The following OXCT1 variants were observed in gnomAD, a reference collection of about 807,000 sequenced individuals.
OXCT1 encodes the protein succinyl-CoA:3-ketoacid coenzyme A transferase 1, mitochondrial.
Under a neutral mutation model 69.6 loss-of-function variants are expected in OXCT1, and 27 were observed. The ratio of observed to expected loss-of-function variants is 0.39; its 90% CI spans 0.29 to 0.54. OXCT1 has a LOEUF of 0.54. Among genes scored for constraint, OXCT1 ranks in the 20% least tolerant of loss-of-function variants. The pLI, the probability that OXCT1 is intolerant of heterozygous loss-of-function variation, is 0.72. For missense variants in OXCT1, 437 were observed against 650.2 expected, an observed-to-expected ratio of 0.67 and a Z score of 3.57; for synonymous variants, 202 against 217.8, an observed-to-expected ratio of 0.93 and a Z score of 0.64.
intron 13 of OXCT1, among the ~76,000 whole-genome samples, chr5:41,784,125 T>C (rs1352597142): frequency 6.6e-6 from 1 of 152,242 alleles, no homozygotes; most frequent in East Asian, 1.9e-4. Flanking sequence ...TTCTGATATT[T>C]CTCCAATTGT....
intron 7 of OXCT1, among the ~76,000 whole-genome samples, chr5:41,837,985 A>T (rs960290553): frequency 1.3e-5 from 2 of 152,226 alleles, no homozygotes; most frequent in African/African-American, 2.4e-5. Flanking sequence ...AAATGCCTGA[A>T]TAGTAGCTAA....
chr5:41,733,961 T>C (rs1471616936), intron 16 of OXCT1, among the ~76,000 whole-genome samples: 1 of 152,214 alleles, frequency 6.6e-6, no homozygotes, highest in Non-Finnish European at 1.5e-5. Flanking sequence ...CCCAAAAGTA[T>C]ATTGCTTGAC....
At chr5:41,781,293 C>T (rs534055747) in intron 13 of OXCT1, among the ~76,000 whole-genome samples, 2 of 152,110 alleles carry the variant, frequency 1.3e-5, no homozygotes, top group Non-Finnish European at 2.9e-5. Context: ...TACCACTCTA[C>T]CCTTCATTGT....
At chr5:41,736,270 T>C (rs1001322738) in intron 16 of OXCT1, among the ~76,000 whole-genome samples, 1 of 152,158 alleles carries the variant, frequency 6.6e-6, no homozygotes, top group African/African-American at 2.4e-5. Context: ...TAATCAATAT[T>C]TGCATTTCTA....
chr5:41,860,950 A>T (rs1749702918), intron 3 of OXCT1, among the ~76,000 whole-genome samples: 1 of 152,142 alleles, frequency 6.6e-6, no homozygotes, highest in Admixed American at 6.5e-5. Context: ...TTTATAAATG[A>T]TCTAATAAAT....
At chr5:41,855,143 T>C (rs889684593) in intron 3 of OXCT1, among the ~76,000 whole-genome samples, 3 of 152,200 alleles carry the variant, frequency 2.0e-5, no homozygotes, top group Non-Finnish European at 2.9e-5. Flanking sequence ...CAGAATAATG[T>C]TGAGCTAAAG....
At chr5:41,842,070 C>T (rs1402902865) in intron 6 of OXCT1, among the ~76,000 whole-genome samples, 1 of 152,108 alleles carries the variant, frequency 6.6e-6, no homozygotes, top group African/African-American at 2.4e-5. Flanking sequence ...CCTCAAAAAA[C>T]AACTATATAA....
intron 4 of OXCT1, among the ~76,000 whole-genome samples, chr5:41,852,782 C>T (rs1749239698): frequency 2.0e-5 from 3 of 152,118 alleles, no homozygotes; most frequent in South Asian, 2.1e-4. Context: ...TTCTAAAATT[C>T]ATAGAAATTG....
chr5:41,811,499 G>A (rs1405632990), intron 7 of OXCT1, among the ~76,000 whole-genome samples: 2 of 151,928 alleles, frequency 1.3e-5, no homozygotes. Flanking sequence ...CAGCATGTAA[G>A]GCATCTTTCT....
At chr5:41,773,000 A>G (rs572265954) in intron 13 of OXCT1, among the ~76,000 whole-genome samples, 92 of 152,270 alleles carry the variant, frequency 6.0e-4, no homozygotes, top group Admixed American at 2.5e-3. Context: ...CTGAAGCACA[A>G]TGTCACTCTG....
intron 7 of OXCT1, among the ~76,000 whole-genome samples, chr5:41,832,921 C>T (rs1748170088): frequency 6.6e-6 from 1 of 152,040 alleles, no homozygotes; most frequent in African/African-American, 2.4e-5. Context: ...AGAAGAAAAT[C>T]ACTAAGCTTG....
In OXCT1 at chr5:41,838,846, A is replaced by G. The variant is rs143922081; in HGVS notation, c.732+1605T>C. The stretch of plus-strand genomic sequence containing the variant: ...GCCCTTGAACATCTAGGCTCAAGCG[A>G]TCCACCTGCCTCAGCCTTCCAAAGT... On this transcript the variant is annotated intron_variant, in intron 7 of 16. Transcript: ENST00000196371. 4.7e-3 allele frequency among the ~76,000 whole-genome samples: 710 copies of G among 152,204 alleles called. 4 individuals carry two copies. Among genetic ancestry groups the G allele is most frequent in the Middle Eastern group, 0.014 (4 of 294 alleles).
At chr5:41,834,959 C>T (rs1748282449) in intron 7 of OXCT1, among the ~76,000 whole-genome samples, 1 of 151,840 alleles carries the variant, frequency 6.6e-6, no homozygotes, top group South Asian at 2.1e-4. Flanking sequence ...AAACCCAAAA[C>T]TAGTAAAAGA....
chr5:41,793,563 T>C (rs1250255591), intron 13 of OXCT1, among the ~76,000 whole-genome samples: 1 of 152,224 alleles, frequency 6.6e-6, no homozygotes, highest in African/African-American at 2.4e-5. Context: ...ACAATGATTA[T>C]TTATGGGGTC....
chr5:41,743,176 T>C (rs1386148946), intron 15 of OXCT1, among the ~76,000 whole-genome samples: 1 of 152,248 alleles, frequency 6.6e-6, no homozygotes, highest in African/African-American at 2.4e-5. Context: ...CCATTCTAAC[T>C]GGTGTGAGAT....
intron 5 of OXCT1, among the ~76,000 whole-genome samples, chr5:41,848,593 T>C (rs894076844): frequency 1.1e-4 from 17 of 148,112 alleles, no homozygotes; most frequent in Non-Finnish European, 2.1e-4. Context: ...GAGATATAGA[T>C]CAATGGAACA....
rs77981746 is a variant in OXCT1 at position 41,752,363 on chromosome 5, T to C, written c.1339-2756A>G. On this transcript the variant is annotated intron_variant, in intron 14 of 16. Coordinates refer to ENST00000196371, the MANE Select transcript of OXCT1 (RefSeq NM_000436.4). ...GAATCTAGGTGCAAATATACAGGGT[T>C]ACGCGGATCTCATTCATGCTTATAT... 3.8e-3 allele frequency among the ~76,000 whole-genome samples: 577 copies of C among 152,228 alleles called. 2 individuals carry two copies. Among genetic ancestry groups the C allele is most frequent in the African/African-American group, 0.013 (556 of 41,540 alleles).
At chr5:41,819,892 T>C (rs1747462493) in intron 7 of OXCT1, among the ~76,000 whole-genome samples, 1 of 152,134 alleles carries the variant, frequency 6.6e-6, no homozygotes, top group Non-Finnish European at 1.5e-5. Flanking sequence ...TGGTTACTGC[T>C]CTGGGTTCAA....
At chr5:41,818,867 G>A (rs1462790856) in intron 7 of OXCT1, among the ~76,000 whole-genome samples, 1 of 150,728 alleles carries the variant, frequency 6.6e-6, no homozygotes, top group East Asian at 1.9e-4. Flanking sequence ...ATGACTTTAA[G>A]ATGCCTTCTT....
Sources: allele counts gnomAD v4.1 joint callset (sites outside exome capture counted in the v4.1 genomes callset), GRCh38; gene constraint gnomAD v4.1.1; transcripts MANE v1.5; gene names NCBI Gene and HGNC (gene_info 2026-07-23, HGNC 2026-07-21).